Variants in SPEG observed in about 807,000 individuals in gnomAD.
SPEG encodes striated muscle enriched protein kinase.
In SPEG, 114 loss-of-function variants were observed where a neutral mutation model predicts 300.4. The ratio of observed to expected loss-of-function variants is 0.38; its 90% confidence interval spans 0.33 to 0.44. SPEG has a LOEUF of 0.44. Ranked by LOEUF, SPEG falls within the 20% of genes least tolerant of loss-of-function variation. The pLI is 1.00. For missense variants in SPEG, 4,201 were observed against 4,586.2 expected (o/e 0.92, Z 2.43); for synonymous variants, 1,964 against 2,018.9 (o/e 0.97, Z 0.73).
Position 219,485,385 on chromosome 2 carries a change from C to T in SPEG, c.7649C>T (p.Ser2550Phe), listed in dbSNP as rs755360381. 1 of 1,607,948 alleles carries T rather than the reference C, an allele frequency of 6.2e-7. No individual in the cohort carries two copies. Among genetic ancestry groups the T allele is most frequent in the African/African-American group, 1.3e-5 (1 of 74,686 alleles). Residue 2550 changes from serine (S) to phenylalanine (F), a missense_variant, in exon 31 of 41, where the codon TCT becomes TTT. Ser to Phe is a radical substitution (Grantham distance 155). This residue lies in a region of SPEG where 1,578 missense variants were observed against 1,506.0 expected (regional missense o/e 1.05). Transcript: ENST00000312358. ...ESRSRLRWGF[S>F]RPRKDKGLSP... ...CGAAGCCGGCTCCGCTGGGGCTTCT[C>T]TCGGCCGCGGAAGGACAAGGGGTTA...
intron 9 of SPEG, chr2:219,465,958 C>T (rs945241767): frequency 7.1e-5 from 71 of 998,954 alleles, no homozygotes; most frequent in Non-Finnish European, 9.0e-5. Context: ...TGCATGTGTG[C>T]GTGTGCATGC....
Position 219,448,761 on chromosome 2 carries a change from C to A in SPEG, c.1603C>A (p.Leu535Ile). Residue 535 changes from leucine (L) to isoleucine (I), a missense_variant, in exon 4 of 41, where the codon CTC becomes ATC. Physicochemically the swap from Leu to Ile is conservative, Grantham distance 5 (BLOSUM62 2). This residue lies in a region of SPEG where 1,258 missense variants were observed against 1,293.9 expected (regional missense o/e 0.97). Coordinates refer to ENST00000312358, the MANE Select transcript of SPEG (RefSeq NM_005876.5). ...PSPREPGEPP[L>I]FSRPSTPKTS... ...CCCTCGAGAGCCCGGCGAGCCCCCG[C>A]TCTTCTCTCGGCCCTCCACCCCCAA... The A allele has an allele frequency of 6.8e-7, 1 of 1,461,218 alleles. No homozygotes were observed. 90.5% of individuals were successfully genotyped at this position (1,461,218 alleles called of 1,614,324 possible). A position where few individuals can be genotyped will look rare whatever the true frequency, so the allele number is the denominator to read the frequency against.
rs752831105 is a variant in SPEG at position 219,444,960 on chromosome 2, C to T, written c.614C>T (p.Thr205Ile). 22 of 1,599,424 alleles carry T rather than the reference C, an allele frequency of 1.4e-5. No individual in the cohort carries two copies. Among genetic ancestry groups the T allele is most frequent in the Non-Finnish European group, 1.9e-5 (22 of 1,173,150 alleles). The change falls in exon 3 of 41, where the codon ACC becomes ATC. Residue 205 changes from threonine (T) to isoleucine (I), a missense_variant. Thr to Ile is a moderately conservative substitution (Grantham distance 89, BLOSUM62 -1). Transcript: ENST00000312358. This position sits in a 1 kb window ranked among gnomAD's most constrained non-coding sequence, Gnocchi z 7.8. ...CAGGAAGCGGGCAGTGGGGGTGGCACCCGCCGCCTCCCGGGCAGCCCAAGG... is the reference window on the plus strand; with the variant it reads ...CAGGAAGCGGGCAGTGGGGGTGGCATCCGCCGCCTCCCGGGCAGCCCAAGG... ...LEQEAGSGGG[T>I]RRLPGSPRQA...
Position 219,468,619 on chromosome 2 carries a change from T to C in SPEG, c.3184T>C (p.Leu1062=). Residue 1062 remains leucine (L), a synonymous_variant, in exon 11 of 41, where the codon TTG becomes CTG. Coordinates refer to ENST00000312358, the MANE Select transcript of SPEG (RefSeq NM_005876.5). ...TGCCCGGCTGACCGTGCGGCCCTCG[T>C]TGGCACCCCTGTTCACACGGCTGCT... is the stretch of plus-strand genomic sequence containing the variant. ...CSARLTVRPS[L]APLFTRLLED... is the part of the protein sequence containing the mutation. The C allele has an allele frequency of 6.2e-7, 1 of 1,613,908 alleles. No individual in the cohort carries two copies. The highest frequency in any genetic ancestry group is 2.2e-5 in the East Asian group (1 of 44,872).
In SPEG at chr2:219,467,503, A is replaced by T. The variant is rs1171552425; in HGVS notation, c.3142+69A>T. The T allele has an allele frequency of 2.0e-6, 3 of 1,520,144 alleles. No individual in the cohort carries two copies. The African/African-American group carries it at 4.1e-5, about 21-fold the overall frequency. The allele number at this position is 1,520,144 out of a possible 1,614,324, so 94.2% of individuals were successfully genotyped here. On this transcript the variant is annotated intron_variant, in intron 10 of 40. Transcript: ENST00000312358. ...GCTGGAGGGAGGGGACTGGGGGTGT[A>T]CAGTAAGATGCCTGGGAAACAGAGC... is the stretch of plus-strand genomic sequence containing the variant.
intron 15 of SPEG, 32 bp downstream of exon 15, chr2:219,472,363 G>A (rs576102915): frequency 1.3e-6 from 2 of 1,585,764 alleles, no homozygotes; most frequent in African/African-American, 1.3e-5. Flanking sequence ...CCATGGGTGG[G>A]GAAGGGGTGT....
Position 219,435,334 on chromosome 2 carries a change from C to T in SPEG, c.357C>T (p.Cys119=), listed in dbSNP as rs1443586822. The part of the protein sequence containing the change: ...MAQNERGRAS[C]EAVLTVLEVG... ...AGAACGAGCGGGGCCGGGCCTCCTG[C>T]GAGGCGGTGCTCACAGTGCTGGAGG... Residue 119 remains cysteine (C), a synonymous_variant, in exon 1 of 41, where the codon TGC becomes TGT. Coordinates refer to ENST00000312358, the MANE Select transcript of SPEG (RefSeq NM_005876.5). 3.9e-6 allele frequency: 6 copies of T among 1,538,326 alleles called. No individual in the cohort carries two copies. Among genetic ancestry groups the T allele is most frequent in the East Asian group, 4.9e-5 (2 of 40,952 alleles).
At chr2:219,486,651 T>A (rs1425885756) in intron 31 of SPEG, among the ~76,000 whole-genome samples, 1 of 152,134 alleles carries the variant, frequency 6.6e-6, no homozygotes, top group African/African-American at 2.4e-5. Flanking sequence ...GCTGAGGCAG[T>A]GTCCCCTTAC....
In SPEG at chr2:219,483,204, C is replaced by T. The variant is rs747705195; in HGVS notation, c.5741C>T (p.Pro1914Leu). 9 of 1,609,998 alleles carry T rather than the reference C, an allele frequency of 5.6e-6. No individual in the cohort carries two copies. The highest frequency in any genetic ancestry group is 2.7e-5 in the African/African-American group (2 of 74,888). ...GTGACCATGCCCAGAAGGCCACCCC[C>T]CAGTGGGGGGCTCTCATCCTCCTCG... is the stretch of plus-strand genomic sequence containing the variant. ...VWVTMPRRPPPSGGLSSSSDS... is the reference protein window; with the variant it reads ...VWVTMPRRPPLSGGLSSSSDS... The change falls in exon 30 of 41, where the codon CCC (proline) becomes CTC (leucine). Residue 1914 changes from proline to leucine, a missense_variant. Coordinates refer to ENST00000312358, the MANE Select transcript of SPEG (RefSeq NM_005876.5).
intron 31 of SPEG, among the ~76,000 whole-genome samples, chr2:219,487,441 T>A (rs1693543380): frequency 1.3e-5 from 2 of 152,222 alleles, no homozygotes; most frequent in Non-Finnish European, 2.9e-5. Flanking sequence ...TGCCTCGTAA[T>A]TGTCACAGCA....
chr2:219,456,930 GAAAAAGAAAAAAAAGAAAAGA>G (rs1690235837), intron 6 of SPEG, among the ~76,000 whole-genome samples: 1 of 49,586 alleles, frequency 2.0e-5, no homozygotes, highest in African/African-American at 3.9e-5. Flanking sequence ...AAAAAGAAAA[GAAAAAGAAAAAAAAGAAAAGA>G]AAAAAGAAAA....
Position 219,435,080 on chromosome 2 carries a change from G to A in SPEG, c.103G>A (p.Ala35Thr), listed in dbSNP as rs1157387472. 1.4e-6 allele frequency: 2 copies of A among 1,468,082 alleles called. No individual in the cohort carries two copies. The highest frequency in any genetic ancestry group is 5.0e-5 in the Admixed American group (2 of 40,016). The allele number at this position is 1,468,082 out of a possible 1,614,324, so 90.9% of individuals were successfully genotyped here. A position where few individuals can be genotyped will look rare whatever the true frequency, so the allele number is the denominator to read the frequency against. ...KRAKVGAGGG[A>T]PVAVAGAPVF... ...GGCCAAGGTGGGGGCCGGCGGCGGG[G>A]CTCCTGTGGCCGTGGCCGGGGCGCC... The change falls in exon 1 of 41, where the codon GCT becomes ACT. Residue 35 changes from alanine (A) to threonine (T), a missense_variant. Physicochemically the swap from Ala to Thr is moderately conservative, Grantham distance 58. Coordinates refer to ENST00000312358, the MANE Select transcript of SPEG (RefSeq NM_005876.5).
At chr2:219,436,236 G>A (rs960335028) in intron 1 of SPEG, among the ~76,000 whole-genome samples, 18 of 152,228 alleles carry the variant, frequency 1.2e-4, no homozygotes, top group African/African-American at 2.9e-4. Context: ...AGAAGGGGAG[G>A]GCAAGAGGCT....
chr2:219,450,959 TC>T, intron 4 of SPEG, 176 bp from the exon 5 acceptor site: 1 of 626,354 alleles, frequency 1.6e-6, no homozygotes. Context: ...CCTTCTGACT[TC>T]CTTTTTTCCC....
rs1218273327 is a variant in SPEG, at chr2:219,477,393, C to A, written c.4677C>A (p.Ala1559=). Residue 1559 remains alanine, a synonymous_variant, in exon 20 of 41, where the codon GCC becomes GCA. Transcript: ENST00000312358. This position sits in a 1 kb window ranked among gnomAD's most constrained non-coding sequence, Gnocchi z 6.4. ...ATGGAGGCGTCTACACCTGCACCGC[C>A]CAGAACCTGGCGGGTGAGGTCTCCT... is the stretch of plus-strand genomic sequence containing the variant. The part of the protein sequence containing the change: ...AQDGGVYTCT[A]QNLAGEVSCK... 6.2e-7 allele frequency: 1 copy of A among 1,608,838 alleles called. No homozygotes were observed. Among genetic ancestry groups the A allele is most frequent in the East Asian group, 2.2e-5 (1 of 44,766 alleles).
At position 219,485,473 on chromosome 2, in the gene SPEG, G is replaced by C. The variant is rs769352665; in HGVS notation, c.7737G>C (p.Glu2579Asp). 8.9e-6 allele frequency: 14 copies of C among 1,579,846 alleles called. No individual in the cohort carries two copies. In the South Asian group the frequency reaches 1.3e-4, roughly 14 times the overall value. Residue 2579 changes from glutamate (E) to aspartate (D), a missense_variant, in exon 31 of 41, where the codon GAG (glutamate) becomes GAC (aspartate). Glu to Asp is a conservative substitution (Grantham distance 45, BLOSUM62 2). Coordinates refer to ENST00000312358, the MANE Select transcript of SPEG (RefSeq NM_005876.5). Reference protein sequence around the residue: ...EELGHQYVRSESDFPPVFHIK... With the variant: ...EELGHQYVRSDSDFPPVFHIK... ...TGGGTCACCAGTACGTGCGCAGTGA[G>C]TCAGGTAATAAGAGGCCTGCTGGGT...
chr2:219,440,305 T>G (rs949492791), intron 1 of SPEG, among the ~76,000 whole-genome samples: 2 of 152,196 alleles, frequency 1.3e-5, no homozygotes, highest in Middle Eastern at 3.4e-3. Context: ...GGGGAATCTC[T>G]TGAGCCCAGG....
chr2:219,467,689 C>T (rs577080024), intron 10 of SPEG, among the ~76,000 whole-genome samples: 2 of 152,252 alleles, frequency 1.3e-5, no homozygotes, highest in African/African-American at 2.4e-5. Flanking sequence ...TGGGTTCCCA[C>T]GCCTGCCCTG....
In SPEG at chr2:219,484,986, A is replaced by T. The variant is rs771657795; in HGVS notation, c.7523A>T (p.His2508Leu). The stretch of plus-strand genomic sequence containing the variant: ...AGTCTGCGGCGCCTTGGCCTTCCGC[A>T]CAACCAGTTGGCCGCCCAGGCCGGC... ...GESLRRLGLP[H>L]NQLAAQAGAT... is the part of the protein sequence containing the mutation. The change falls in exon 30 of 41, where the codon CAC becomes CTC. Residue 2508 changes from histidine (H) to leucine (L), a missense_variant. By Grantham distance (99) the His-to-Leu change is moderately conservative (BLOSUM62 -3). Around this residue, in one of 4 missense-constraint regions of SPEG, gnomAD observed 1,578 missense variants for 1,506.0 expected, o/e 1.05. Transcript: ENST00000312358. The T allele has an allele frequency of 6.5e-7, 1 of 1,530,938 alleles. No homozygotes were observed. Among genetic ancestry groups the T allele is most frequent in the South Asian group, 1.2e-5 (1 of 83,806 alleles). 94.8% of individuals were successfully genotyped at this position (1,530,938 alleles called of 1,614,324 possible). A position where few individuals can be genotyped will look rare whatever the true frequency, so the allele number is the denominator to read the frequency against.
Sources: allele counts gnomAD v4.1 joint callset (sites outside exome capture counted in the v4.1 genomes callset), GRCh38; gene constraint gnomAD v4.1.1; regional missense constraint gnomAD v4.1.1; non-coding constraint Gnocchi (gnomAD v3.1); transcripts MANE v1.5; gene names NCBI Gene and HGNC (gene_info 2026-07-23, HGNC 2026-07-21).